Variants in RBFOX1 observed in about 807,000 individuals in gnomAD.
The protein encoded by RBFOX1 is RNA binding fox-1 homolog 1.
In RBFOX1, 8 loss-of-function variants were observed where a neutral mutation model predicts 57.7. That is an observed-to-expected ratio of 0.14 (90% CI 0.08 to 0.25). The LOEUF (loss-of-function observed/expected upper bound fraction) is 0.25, where lower values mean the gene tolerates loss of function less well. Among genes scored for constraint, RBFOX1 ranks in the 10% least tolerant of loss-of-function variants. The probability of loss-of-function intolerance (pLI) is 1.00; values close to 1 mark genes in which losing one functional copy is unlikely to be tolerated. For synonymous variants in RBFOX1, 326 were observed against 222.4 expected, an observed-to-expected ratio of 1.47 and a Z score of -4.15; for missense variants, 611 against 548.5, an observed-to-expected ratio of 1.11 and a Z score of -1.14.
chr16:6,895,458 A>G lies in RBFOX1; in HGVS notation c.-15-156599A>G, dbSNP rs8056736. 8.4e-3 allele frequency among the ~76,000 whole-genome samples: 540 copies of G among 64,382 alleles called. 5 individuals are homozygous for G. The highest frequency in any genetic ancestry group is 0.066 in the South Asian group (98 of 1,488). The allele number at this position is 64,382 out of a possible 152,430, so 42.2% of individuals were successfully genotyped here. A position where few individuals can be genotyped will look rare whatever the true frequency, so the allele number is the denominator to read the frequency against. ...TGTGTGTGTGTGTGTGTATATATAT[A>G]TATATATATATATATATATATATAT... On this transcript the variant is annotated intron_variant, in intron 3 of 15. Coordinates refer to ENST00000550418, the MANE Select transcript of RBFOX1 (RefSeq NM_018723.4).
intron 3 of RBFOX1, among the ~76,000 whole-genome samples, chr16:6,964,266 C>T (rs36037495): frequency 6.6e-6 from 1 of 151,922 alleles, no homozygotes; most frequent in Non-Finnish European, 1.5e-5. Context: ...TGATGCACCC[C>T]CCTCGACCTC....
chr16:7,242,085 T>A (rs577184799), intron 4 of RBFOX1, among the ~76,000 whole-genome samples: 1 of 152,276 alleles, frequency 6.6e-6, no homozygotes, highest in South Asian at 2.1e-4. Context: ...AATTGAAAAG[T>A]CACCAGGAAT....
chr16:7,047,800 C>T (rs1431677228), intron 3 of RBFOX1, among the ~76,000 whole-genome samples: 2 of 113,912 alleles, frequency 1.8e-5, no homozygotes, highest in Non-Finnish European at 3.6e-5. Flanking sequence ...TTTATGTACT[C>T]AAGTTTACTT....
At chr16:7,400,057 A>G (rs2098215087) in intron 4 of RBFOX1, among the ~76,000 whole-genome samples, 1 of 152,156 alleles carries the variant, frequency 6.6e-6, no homozygotes. Context: ...TGATGAGAAA[A>G]TTGACCCTCA....
intron 4 of RBFOX1, among the ~76,000 whole-genome samples, chr16:7,314,750 C>A (rs1294705714): frequency 6.6e-6 from 1 of 152,092 alleles, no homozygotes; most frequent in African/African-American, 2.4e-5. Flanking sequence ...GGGGAGAGGG[C>A]GAGTTGACTG....
At chr16:5,293,764 A>G (rs2063591839) in intron 1 of RBFOX1, among the ~76,000 whole-genome samples, 1 of 133,186 alleles carries the variant, frequency 7.5e-6, no homozygotes, top group Non-Finnish European at 1.6e-5. Context: ...AGGGGAGGGG[A>G]TGGAGAGTGC....
chr16:6,959,159 G>C (rs959995977), intron 3 of RBFOX1, among the ~76,000 whole-genome samples: 2 of 151,990 alleles, frequency 1.3e-5, no homozygotes, highest in African/African-American at 4.8e-5. Context: ...ACGATGGATT[G>C]GAAAGCCTGG....
intron 4 of RBFOX1, among the ~76,000 whole-genome samples, chr16:7,253,111 A>G (rs1205342476): frequency 1.3e-5 from 2 of 152,192 alleles, no homozygotes; most frequent in Non-Finnish European, 2.9e-5. Context: ...CAGCAAACAT[A>G]TCTAGGTCAA....
chr16:6,907,511 A>G (rs976343158), intron 3 of RBFOX1, among the ~76,000 whole-genome samples: 2 of 152,118 alleles, frequency 1.3e-5, no homozygotes, highest in East Asian at 3.9e-4. Context: ...GTTCCTTCTG[A>G]AAACTGGGAG....
At position 7,073,944 on chromosome 16, in the gene RBFOX1, G is replaced by C. The variant is rs141896308; in HGVS notation, c.27+21846G>C. Among the ~76,000 whole-genome samples the C allele has an allele frequency of 8.0e-3, 1,220 of 152,214 alleles. 11 individuals carry two copies. Among genetic ancestry groups the C allele is most frequent in the Admixed American group, 0.015 (225 of 15,284 alleles). ...CCAGAGCAGTGTTTGGCAAGCCACA[G>C]TTTATGAGACAGCTCCCTGTTTCTG... On this transcript the variant is annotated intron_variant, in intron 4 of 15. Transcript: ENST00000550418.
At chr16:6,396,812 A>G (rs1381717890) in intron 2 of RBFOX1, among the ~76,000 whole-genome samples, 1 of 152,224 alleles carries the variant, frequency 6.6e-6, no homozygotes, top group African/African-American at 2.4e-5. Context: ...AAATGTTGGA[A>G]TTAACAGATA....
chr16:5,341,154 G>A (rs1004584051), intron 1 of RBFOX1, among the ~76,000 whole-genome samples: 2 of 152,158 alleles, frequency 1.3e-5, no homozygotes, highest in African/African-American at 2.4e-5. Flanking sequence ...GATGAGTAAG[G>A]GGGGAGTAGG....
intron 4 of RBFOX1, among the ~76,000 whole-genome samples, chr16:7,474,658 C>T (rs903417782): frequency 6.6e-6 from 1 of 152,224 alleles, no homozygotes; most frequent in Admixed American, 6.5e-5. Context: ...GCTTTCATCC[C>T]TTATTACTTG....
At chr16:5,417,493 G>C (rs1447195567) in intron 1 of RBFOX1, among the ~76,000 whole-genome samples, 1 of 141,322 alleles carries the variant, frequency 7.1e-6, no homozygotes, top group Non-Finnish European at 1.6e-5. Context: ...GTGTAGATAA[G>C]GTGCCCCTCA....
intron 1 of RBFOX1, among the ~76,000 whole-genome samples, chr16:5,267,915 C>G (rs537709632): frequency 6.6e-6 from 1 of 152,170 alleles, no homozygotes; most frequent in East Asian, 1.9e-4. Flanking sequence ...AACATCTCTA[C>G]TAAAAATACA....
At chr16:7,185,068 A>G (rs769326262) in intron 4 of RBFOX1, among the ~76,000 whole-genome samples, 1 of 152,210 alleles carries the variant, frequency 6.6e-6, no homozygotes, top group Non-Finnish European at 1.5e-5. Flanking sequence ...CAGTAAGTAC[A>G]TGGAGGAATG....
chr16:6,841,207 A>T (rs992790807), intron 3 of RBFOX1, among the ~76,000 whole-genome samples: 7 of 152,154 alleles, frequency 4.6e-5, no homozygotes, highest in Admixed American at 3.9e-4. Context: ...GAAAAGATTT[A>T]GTTATAAACA....
At chr16:7,455,531 C>G (rs1456867533) in intron 4 of RBFOX1, among the ~76,000 whole-genome samples, 1 of 152,038 alleles carries the variant, frequency 6.6e-6, no homozygotes, top group Non-Finnish European at 1.5e-5. Context: ...GTGGCTCATG[C>G]CTGTAATCCT....
chr16:7,129,890 G>A (rs1003547869), intron 4 of RBFOX1, among the ~76,000 whole-genome samples: 7 of 151,920 alleles, frequency 4.6e-5, no homozygotes, highest in African/African-American at 1.4e-4. Context: ...AATAAGCAAT[G>A]AATGACCCTC....
Sources: allele counts gnomAD v4.1 joint callset (sites outside exome capture counted in the v4.1 genomes callset), GRCh38; gene constraint gnomAD v4.1.1; transcripts MANE v1.5; gene names NCBI Gene and HGNC (gene_info 2026-07-23, HGNC 2026-07-21).